The following EIF3K variants were observed in gnomAD, a reference collection of about 807,000 sequenced individuals.
The protein encoded by EIF3K is eukaryotic translation initiation factor 3 subunit K.
EIF3K carries 27 observed loss-of-function variants against 34.2 expected under a neutral mutation model. The ratio of observed to expected loss-of-function variants is 0.79; its 90% CI spans 0.58 to 1.09. EIF3K has a LOEUF of 1.09. Ranked by LOEUF, EIF3K falls within the 50% of genes least tolerant of loss-of-function variation. The pLI, the probability that EIF3K is intolerant of heterozygous loss-of-function variation, is 0.00. For synonymous variants in EIF3K, 105 were observed against 105.7 expected, an observed-to-expected ratio of 0.99 and a Z score of 0.04; for missense variants, 232 against 275.4, an observed-to-expected ratio of 0.84 and a Z score of 1.11.
At chr19:38,626,270 C>T in intron 4 of EIF3K, 168 bp downstream of exon 4, 1 of 674,676 alleles carries the variant, frequency 1.5e-6, no homozygotes, top group Non-Finnish European at 2.6e-6. Flanking sequence ...CAGGTACTCA[C>T]AGGTCATCCC....
intron 6 of EIF3K, among the ~76,000 whole-genome samples, chr19:38,633,586 T>C (rs1976118829): frequency 1.3e-5 from 2 of 151,614 alleles, no homozygotes. Flanking sequence ...TAATCCCAGC[T>C]ACTTGGGAGG....
chr19:38,619,298 C>T lies in EIF3K; in HGVS notation c.30C>T (p.Asn10=), dbSNP rs1468948705. Residue 10 remains asparagine (N), a synonymous_variant, in exon 1 of 8, where the codon AAC becomes AAT. Transcript: ENST00000248342. The part of the protein sequence containing the change: MAMFEQMRA[N]VGKLLKGIDR... ...CGATGTTTGAGCAGATGAGAGCCAA[C>T]GTGGGCAAGTTGCTCAAGGGTATCG... 6.2e-6 allele frequency: 10 copies of T among 1,614,030 alleles called. No individual in the cohort carries two copies. In the South Asian group the frequency reaches 8.8e-5, roughly 14 times the overall value.
At chr19:38,633,718 C>T (rs541552884) in intron 6 of EIF3K, among the ~76,000 whole-genome samples, 1 of 150,286 alleles carries the variant, frequency 6.7e-6, no homozygotes, top group African/African-American at 2.4e-5. Flanking sequence ...AGGAAGGCCA[C>T]GTGTGATGGC....
At chr19:38,629,721 G>A (rs944085916) in intron 4 of EIF3K, among the ~76,000 whole-genome samples, 1 of 152,164 alleles carries the variant, frequency 6.6e-6, no homozygotes, top group East Asian at 1.9e-4. Flanking sequence ...TGAAGGAGGT[G>A]AGGGTGGTAG....
At chr19:38,623,391 A>T (rs566932336) in intron 2 of EIF3K, among the ~76,000 whole-genome samples, 13 of 152,220 alleles carry the variant, frequency 8.5e-5, no homozygotes, top group African/African-American at 2.4e-4. Context: ...CTGGTCTCGA[A>T]CTCCTGACCT....
chr19:38,620,061 G>A (rs1975806550), intron 1 of EIF3K, among the ~76,000 whole-genome samples: 1 of 152,226 alleles, frequency 6.6e-6, no homozygotes, highest in African/African-American at 2.4e-5. Flanking sequence ...AGGTGTACAA[G>A]CTGCAGTGAC....
intron 3 of EIF3K, among the ~76,000 whole-genome samples, chr19:38,624,784 G>A (rs538989899): frequency 4.9e-4 from 75 of 152,158 alleles, no homozygotes; most frequent in Admixed American, 1.1e-3. Flanking sequence ...ATTTGGGTGG[G>A]GGAATATGTG....
chr19:38,624,123 A>G lies in EIF3K; in HGVS notation c.205A>G (p.Ile69Val). The change falls in exon 3 of 8, where the codon ATC becomes GTC. Residue 69 changes from isoleucine (I) to valine (V), a missense_variant. Transcript: ENST00000248342. ...CTTTCAGACCACGGTCACCGCCCAG[A>G]TCCTGCTGAAGGCCCTCACCAACTT... ...AFFQTTVTAQ[I>V]LLKALTNLPH... 6.2e-7 allele frequency: 1 copy of G among 1,614,162 alleles called. No homozygotes were observed. Among genetic ancestry groups the G allele is most frequent in the Admixed American group, 1.7e-5 (1 of 59,998 alleles).
In EIF3K at chr19:38,636,902, C is replaced by G; in HGVS notation, c.639C>G (p.Ile213Met). 1 of 1,614,188 alleles carries G rather than the reference C, an allele frequency of 6.2e-7. No individual in the cohort carries two copies. The highest frequency in any genetic ancestry group is 8.5e-7 in the Non-Finnish European group (1 of 1,180,028). ...CCTTCCCCACAGGTGTGTCCAGCAT[C>G]ATGGCCTCCTCCCAGTAACTTCAGG... ...EKIDFDSVSS[I>M]MASSQ The change falls in exon 8 of 8, where the codon ATC (isoleucine) becomes ATG (methionine). Residue 213 changes from isoleucine (I) to methionine (M), a missense_variant. Ile to Met is a conservative substitution (Grantham distance 10). Coordinates refer to ENST00000248342, the MANE Select transcript of EIF3K (RefSeq NM_013234.4).
intron 7 of EIF3K, chr19:38,635,480 C>T (rs975387321): frequency 2.0e-5 from 7 of 357,070 alleles, no homozygotes; most frequent in Admixed American, 4.3e-5. Context: ...ACTTGGAATC[C>T]GGTGAACAGT....
At position 38,620,330 on chromosome 19, in the gene EIF3K, C is replaced by T; in HGVS notation, c.60-7C>T. On this transcript the variant is annotated splice_region_variant and splice_polypyrimidine_tract_variant and intron_variant, in intron 1 of 7. Transcript: ENST00000248342. Reference sequence around the variant, plus strand: ...CTCTGTGCTCACCTATCTTGATTCTCCTTTAGGTACAATCCTGAGAACCTG... The same window carrying T: ...CTCTGTGCTCACCTATCTTGATTCTTCTTTAGGTACAATCCTGAGAACCTG... 2.5e-6 allele frequency: 4 copies of T among 1,613,080 alleles called. No individual in the cohort carries two copies. Among genetic ancestry groups the T allele is most frequent in the Non-Finnish European group, 3.4e-6 (4 of 1,179,388 alleles).
rs750010167 is a variant in EIF3K at position 38,626,392 on chromosome 19, C to G, written c.354+290C>G. On this transcript the variant is annotated intron_variant, in intron 4 of 7. Transcript: ENST00000248342. ...CCAGTGGCTGGGTGTAGTGACTCAC[C>G]CCCGTGATTCCAGTACTTGTGGAGG... The G allele has an allele frequency of 3.5e-5, 13 of 375,872 alleles. No homozygotes were observed. In the East Asian group the frequency reaches 5.9e-4, roughly 17 times the overall value. 23.3% of individuals were successfully genotyped at this position (375,872 alleles called of 1,614,324 possible). A position where few individuals can be genotyped will look rare whatever the true frequency, so the allele number is the denominator to read the frequency against.
Position 38,636,919 on chromosome 19 carries a change from A to G in EIF3K, c.656A>G (p.Ter219=). ...TCCAGCATCATGGCCTCCTCCCAGT[A>G]ACTTCAGGTGTTTAATAAAGATGTG... is the stretch of plus-strand genomic sequence containing the variant. ...SVSSIMASSQ[*] Residue 219 remains the stop codon, a stop_retained_variant, in exon 8 of 8, where the codon TAA becomes TGA. Coordinates refer to ENST00000248342, the MANE Select transcript of EIF3K (RefSeq NM_013234.4). 6.2e-7 allele frequency: 1 copy of G among 1,613,974 alleles called. No homozygotes were observed. The highest frequency in any genetic ancestry group is 8.5e-7 in the Non-Finnish European group (1 of 1,179,970).
At chr19:38,632,731 C>T (rs1976098068) in intron 6 of EIF3K, 53 bp downstream of exon 6, 9 of 1,502,754 alleles carry the variant, frequency 6.0e-6, no homozygotes, top group South Asian at 2.5e-5. Context: ...GTGGCTAGGG[C>T]AGTGGACCTC....
At position 38,619,346 on chromosome 19, in the gene EIF3K, GAAGCGCTCTGGCC is replaced by G. The variant is rs770871541; in HGVS notation, c.59+25_59+37del. 3.7e-6 allele frequency: 6 copies of G among 1,613,398 alleles called. No individual in the cohort carries two copies. The South Asian group carries it at 6.6e-5, about 18-fold the overall frequency. ...TCGACAGGTCTGAGCCCGGTTGGAGGAAGCGCTCTGGCCAAGCGGGGCGGAGGAGAGGGTTTTC... is the reference window on the plus strand; with the variant it reads ...TCGACAGGTCTGAGCCCGGTTGGAGGAAGCGGGGCGGAGGAGAGGGTTTTC... On this transcript the variant is annotated intron_variant, in intron 1 of 7. Coordinates refer to ENST00000248342, the MANE Select transcript of EIF3K (RefSeq NM_013234.4).
At chr19:38,625,906 A>G in intron 3 of EIF3K, 122 bp from the exon 4 acceptor site, 3 of 904,000 alleles carry the variant, frequency 3.3e-6, no homozygotes, top group Non-Finnish European at 5.5e-6. Flanking sequence ...TTCCTTTTCC[A>G]GCTGTTTTTC....
intron 6 of EIF3K, among the ~76,000 whole-genome samples, chr19:38,633,969 G>A (rs1976130017): frequency 6.7e-6 from 1 of 149,316 alleles, no homozygotes; most frequent in African/African-American, 2.5e-5. Context: ...TAGAGAAGGA[G>A]TTTGACCATG....
At chr19:38,619,984 G>A (rs890554885) in intron 1 of EIF3K, among the ~76,000 whole-genome samples, 2 of 152,148 alleles carry the variant, frequency 1.3e-5, no homozygotes, top group African/African-American at 4.8e-5. Flanking sequence ...GGAGAGGATG[G>A]GGCTGGATCA....
intron 4 of EIF3K, chr19:38,630,560 GGTCTCGATCTCCTGACCTCACGATCGC>G (rs1794106840): frequency 6.6e-6 from 1 of 151,968 alleles, no homozygotes; most frequent in Non-Finnish European, 1.5e-5. Flanking sequence ...TAGCCGGGAT[GGTCTCGATCTCCTGACCTCACGATCGC>G]CCGTCTCAGC....
Sources: gnomAD v4.1 joint callset for allele counts (sites outside exome capture counted in the v4.1 genomes callset) on GRCh38, gnomAD v4.1.1 for gene constraint, MANE v1.5 for transcripts, NCBI Gene and HGNC (gene_info 2026-07-23, HGNC 2026-07-21) for gene names.